Variants in CFAP20DC observed in about 807,000 individuals in gnomAD.
The protein encoded by CFAP20DC is protein CFAP20DC.
CFAP20DC carries 84 observed loss-of-function variants against 101.7 expected under a neutral mutation model. The observed-to-expected ratio is 0.83, with a 90% CI of 0.69 to 0.99. CFAP20DC has a LOEUF of 0.99. Among genes scored for constraint, CFAP20DC ranks in the 50% least tolerant of loss-of-function variants. The probability of loss-of-function intolerance (pLI) is 0.00; values close to 1 mark genes in which losing one functional copy is unlikely to be tolerated. For synonymous variants in CFAP20DC, 359 were observed against 351.2 expected, an observed-to-expected ratio of 1.02 and a Z score of -0.25; for missense variants, 1,007 against 970.3, an observed-to-expected ratio of 1.04 and a Z score of -0.50.
Position 58,820,884 on chromosome 3 carries a change from C to G in CFAP20DC, c.2175+10802G>C, listed in dbSNP as rs866491233. The stretch of plus-strand genomic sequence containing the variant: ...AAGCTGGAGCCATCACACTACCTGA[C>G]TTCAAACTATACTACAAGGCTACAG... On this transcript the variant is annotated intron_variant, in intron 14 of 16. Coordinates refer to ENST00000482387, the MANE Select transcript of CFAP20DC (RefSeq NM_001394063.1). Among the ~76,000 whole-genome samples, 23 of 150,270 alleles carry G rather than the reference C, an allele frequency of 1.5e-4. No individual in the cohort carries two copies. The Middle Eastern group carries it at 0.02, about 133-fold the overall frequency.
intron 5 of CFAP20DC, among the ~76,000 whole-genome samples, chr3:58,936,702 C>T (rs1022458710): frequency 7.9e-5 from 12 of 152,096 alleles, no homozygotes; most frequent in African/African-American, 2.4e-4. Flanking sequence ...CATGTTCTCC[C>T]GCACAGGTGG....
At chr3:58,796,662 A>G (rs2073269320) in intron 15 of CFAP20DC, among the ~76,000 whole-genome samples, 1 of 152,148 alleles carries the variant, frequency 6.6e-6, no homozygotes, top group Admixed American at 6.5e-5. Context: ...AGACACACAC[A>G]TACACACACA....
At chr3:58,762,670 T>C (rs1178504331) in intron 15 of CFAP20DC, among the ~76,000 whole-genome samples, 2 of 152,256 alleles carry the variant, frequency 1.3e-5, no homozygotes, top group African/African-American at 4.8e-5. Flanking sequence ...TTGCCGTGGC[T>C]GGTACTGGTT....
chr3:58,857,855 GAGA>G (rs1178493684), intron 12 of CFAP20DC, among the ~76,000 whole-genome samples: 5 of 151,814 alleles, frequency 3.3e-5, no homozygotes, highest in African/African-American at 9.7e-5. Flanking sequence ...GCATTGTTAT[GAGA>G]AGAAGAGGCA....
In CFAP20DC at chr3:58,849,395, G is replaced by A; in HGVS notation, c.1608C>T (p.Ile536=). The change falls in exon 13 of 17, where the codon ATC becomes ATT. Residue 536 remains isoleucine, a synonymous_variant. Coordinates refer to ENST00000482387, the MANE Select transcript of CFAP20DC (RefSeq NM_001394063.1). The part of the protein sequence containing the change: ...GDSSEEGNHS[I]QGSRGPTTGP... ...CAGTTGTTGGGCCTCGAGAACCCTG[G>A]ATACTGTGGTTACCCTATGTTGGGG... The A allele has an allele frequency of 1.3e-6, 2 of 1,529,110 alleles. No homozygotes were observed. Among genetic ancestry groups the A allele is most frequent in the Non-Finnish European group, 1.7e-6 (2 of 1,144,538 alleles). 94.7% of individuals were successfully genotyped at this position (1,529,110 alleles called of 1,614,324 possible). A position where few individuals can be genotyped will look rare whatever the true frequency, so the allele number is the denominator to read the frequency against.
At chr3:58,818,334 A>G (rs976252410) in intron 14 of CFAP20DC, among the ~76,000 whole-genome samples, 1 of 148,460 alleles carries the variant, frequency 6.7e-6, no homozygotes, top group African/African-American at 2.5e-5. Flanking sequence ...CAATTAAAAG[A>G]CACAGACTGG....
chr3:58,836,543 T>G (rs549277779), intron 13 of CFAP20DC, among the ~76,000 whole-genome samples: 1 of 151,930 alleles, frequency 6.6e-6, no homozygotes, highest in Non-Finnish European at 1.5e-5. Context: ...TGGGATAAGA[T>G]CAGACCAAGA....
intron 7 of CFAP20DC, among the ~76,000 whole-genome samples, chr3:58,877,153 AGT>A (rs1243661916): frequency 6.6e-6 from 1 of 152,184 alleles, no homozygotes; most frequent in Non-Finnish European, 1.5e-5. Flanking sequence ...TTAACAGTTT[AGT>A]AAGTCTGTTC....
At chr3:58,925,002 TC>T (rs1683733698) in intron 5 of CFAP20DC, among the ~76,000 whole-genome samples, 1 of 152,082 alleles carries the variant, frequency 6.6e-6, no homozygotes, top group African/African-American at 2.4e-5. Flanking sequence ...CTATTTATGT[TC>T]CCCCCTTGTT....
At chr3:58,725,504 G>A (rs1237237809) in intron 3 of CFAP20DC, among the ~76,000 whole-genome samples, 1 of 152,120 alleles carries the variant, frequency 6.6e-6, no homozygotes, top group Non-Finnish European at 1.5e-5. Flanking sequence ...CCAACACGAC[G>A]GGTGGTTCAA....
At chr3:58,974,729 G>T (rs901185567) in intron 4 of CFAP20DC, among the ~76,000 whole-genome samples, 1 of 152,138 alleles carries the variant, frequency 6.6e-6, no homozygotes, top group Admixed American at 6.5e-5. Flanking sequence ...GGTGGAGGTT[G>T]TTAGGGGGAG....
chr3:58,907,256 T>C (rs2083695833), intron 6 of CFAP20DC, among the ~76,000 whole-genome samples: 1 of 152,194 alleles, frequency 6.6e-6, no homozygotes, highest in Non-Finnish European at 1.5e-5. Context: ...CAAATTTTTC[T>C]TAACCTGACA....
intron 4 of CFAP20DC, among the ~76,000 whole-genome samples, chr3:58,966,903 T>C (rs939188034): frequency 6.6e-6 from 1 of 152,170 alleles, no homozygotes. Flanking sequence ...ATTTTTAAGA[T>C]GGCAATATTC....
intron 12 of CFAP20DC, among the ~76,000 whole-genome samples, chr3:58,856,972 C>A (rs1483229112): frequency 6.6e-6 from 1 of 152,086 alleles, no homozygotes; most frequent in Non-Finnish European, 1.5e-5. Flanking sequence ...ACTTGTTATT[C>A]TGTATATGAC....
At chr3:58,924,138 T>A (rs2085691973) in intron 5 of CFAP20DC, among the ~76,000 whole-genome samples, 1 of 152,150 alleles carries the variant, frequency 6.6e-6, no homozygotes, top group Non-Finnish European at 1.5e-5. Flanking sequence ...CATGAATATA[T>A]TGCTTATGGT....
chr3:58,876,144 A>G (rs1304872604), intron 7 of CFAP20DC, among the ~76,000 whole-genome samples: 2 of 152,156 alleles, frequency 1.3e-5, no homozygotes, highest in Non-Finnish European at 1.5e-5. Context: ...TCCACTATTT[A>G]GTATCTCTTT....
rs2075465616 is a variant in CFAP20DC at position 58,819,605 on chromosome 3, C to A, written c.2175+12081G>T. Among the ~76,000 whole-genome samples the A allele has an allele frequency of 2.0e-5, 3 of 149,250 alleles. No individual in the cohort carries two copies. In the South Asian group the frequency reaches 6.6e-4, roughly 33 times the overall value. ...AGACTAAACCAGGAAGAAGTTGAAT[C>A]TCTGAATAGACCAATAACAGGATCT... On this transcript the variant is annotated intron_variant, in intron 14 of 16. Coordinates refer to ENST00000482387, the MANE Select transcript of CFAP20DC (RefSeq NM_001394063.1).
Position 58,808,056 on chromosome 3 carries a change from G to A in CFAP20DC, c.2176-1600C>T, listed in dbSNP as rs190897994. On this transcript the variant is annotated intron_variant, in intron 14 of 16. Transcript: ENST00000482387. ...ATGAACAAAGCCTCCAAGAAATATG[G>A]GACTACGTGAAAAGACCAAATCTAT... Among the ~76,000 whole-genome samples the A allele has an allele frequency of 6.7e-4, 102 of 152,258 alleles. 1 individual carries two copies. Among genetic ancestry groups the A allele is most frequent in the African/African-American group, 2.3e-3 (94 of 41,542 alleles).
chr3:58,949,125 T>C lies in CFAP20DC; in HGVS notation c.279-11363A>G, dbSNP rs1449469852. ...ATGGTAGTTTGTATTTCTGTGGGAT[T>C]GGTGGTGATATCCCCTTTATCATTT... On this transcript the variant is annotated intron_variant, in intron 4 of 16. Transcript: ENST00000482387. Among the ~76,000 whole-genome samples the C allele has an allele frequency of 6.0e-4, 91 of 152,258 alleles. 1 individual carries two copies. In the South Asian group the frequency reaches 7.3e-3, roughly 12 times the overall value.
Sources: gnomAD v4.1 joint callset for allele counts (sites outside exome capture counted in the v4.1 genomes callset) on GRCh38, gnomAD v4.1.1 for gene constraint, MANE v1.5 for transcripts, NCBI Gene and HGNC (gene_info 2026-07-23, HGNC 2026-07-21) for gene names.